The following GABRG3 variants were observed in gnomAD, a reference collection of about 807,000 sequenced individuals.
The protein encoded by GABRG3 is gamma-aminobutyric acid type A receptor subunit gamma3.
A neutral mutation model predicts 48.8 loss-of-function variants in GABRG3; 25 were observed. The observed-to-expected ratio is 0.51, with a 90% CI of 0.37 to 0.72. The LOEUF is 0.72. Among genes scored for constraint, GABRG3 ranks in the 30% least tolerant of loss-of-function variants. The probability of loss-of-function intolerance (pLI) is 0.00; values close to 1 mark genes in which losing one functional copy is unlikely to be tolerated. For synonymous variants in GABRG3, 227 were observed against 217.6 expected (o/e 1.04, Z -0.38); for missense variants, 394 against 577.9 (o/e 0.68, Z 3.26).
At chr15:27,442,456 A>G (rs1202289698) in intron 5 of GABRG3, among the ~76,000 whole-genome samples, 1 of 152,122 alleles carries the variant, frequency 6.6e-6, no homozygotes, top group Non-Finnish European at 1.5e-5. Context: ...GCACACACAG[A>G]TGTGTGCTCC....
chr15:27,172,921 A>C (rs1426950987), intron 3 of GABRG3, among the ~76,000 whole-genome samples: 3 of 152,180 alleles, frequency 2.0e-5, no homozygotes, highest in African/African-American at 4.8e-5. Context: ...ACTGTGATCC[A>C]GGATTAATTA....
intron 2 of GABRG3, among the ~76,000 whole-genome samples, chr15:27,003,853 G>A (rs1200939311): frequency 7.5e-6 from 1 of 133,860 alleles, no homozygotes; most frequent in East Asian, 2.5e-4. Context: ...GGCGGGGGGG[G>A]CTGACCCCCC....
intron 5 of GABRG3, among the ~76,000 whole-genome samples, chr15:27,389,002 T>C (rs1450688035): frequency 6.6e-6 from 1 of 152,226 alleles, no homozygotes; most frequent in Non-Finnish European, 1.5e-5. Flanking sequence ...TACATTTGAT[T>C]GTATGACTTG....
intron 2 of GABRG3, among the ~76,000 whole-genome samples, chr15:27,020,480 C>T (rs181548608): frequency 2.0e-5 from 3 of 152,178 alleles, no homozygotes; most frequent in Admixed American, 6.5e-5. Flanking sequence ...GGCGCTATCT[C>T]GGCTCACTGC....
chr15:27,047,413 C>G (rs1337484025), intron 3 of GABRG3, among the ~76,000 whole-genome samples: 1 of 152,090 alleles, frequency 6.6e-6, no homozygotes, highest in African/African-American at 2.4e-5. Flanking sequence ...AAATGTGTGC[C>G]CATGGCCTGG....
At chr15:27,004,027 G>T in intron 2 of GABRG3, among the ~76,000 whole-genome samples, 1 of 149,738 alleles carries the variant, frequency 6.7e-6, no homozygotes. Context: ...CCGGGCGGGG[G>T]GCTGAACCCC....
intron 3 of GABRG3, chr15:27,208,084 C>T (rs574364005): frequency 2.3e-4 from 40 of 174,030 alleles, no homozygotes; most frequent in Middle Eastern, 3.0e-3. Context: ...GGTAGGGGCA[C>T]CCCAGGGTTT....
intron 5 of GABRG3, among the ~76,000 whole-genome samples, chr15:27,462,795 C>A (rs1390851064): frequency 6.6e-6 from 1 of 152,000 alleles, no homozygotes; most frequent in East Asian, 1.9e-4. Context: ...TACTATAATT[C>A]CAGAAAGATG....
At chr15:26,999,698 A>G (rs548086311) in intron 2 of GABRG3, among the ~76,000 whole-genome samples, 4 of 152,194 alleles carry the variant, frequency 2.6e-5, no homozygotes, top group Admixed American at 6.5e-5. Flanking sequence ...CCTCAAATGT[A>G]TATTTTTCTG....
chr15:27,147,888 T>C (rs1209724404), intron 3 of GABRG3, among the ~76,000 whole-genome samples: 1 of 151,602 alleles, frequency 6.6e-6, no homozygotes, highest in African/African-American at 2.4e-5. Context: ...AATAAATAAC[T>C]TTACCTTTCC....
chr15:27,293,064 C>T (rs1003506264), intron 3 of GABRG3, among the ~76,000 whole-genome samples: 4 of 152,144 alleles, frequency 2.6e-5, no homozygotes, highest in Non-Finnish European at 5.9e-5. Context: ...GGGGCGATGC[C>T]GTGAACTTGC....
At chr15:27,355,016 A>G (rs1176019626) in intron 5 of GABRG3, among the ~76,000 whole-genome samples, 1 of 152,164 alleles carries the variant, frequency 6.6e-6, no homozygotes, top group Non-Finnish European at 1.5e-5. Context: ...TCTGCCAATA[A>G]TTATGAGAGG....
intron 6 of GABRG3, among the ~76,000 whole-genome samples, chr15:27,496,900 A>C (rs1890500433): frequency 6.6e-6 from 1 of 152,192 alleles, no homozygotes; most frequent in Non-Finnish European, 1.5e-5. Context: ...TGGTCTTGAT[A>C]TATCAGGGTC....
rs547734588 is a variant in GABRG3 at position 27,398,769 on chromosome 15, C to T, written c.574+69881C>T. Among the ~76,000 whole-genome samples, 9 of 152,242 alleles carry T rather than the reference C, an allele frequency of 5.9e-5. No homozygotes were observed. In the East Asian group the frequency reaches 1.4e-3, roughly 23 times the overall value. On this transcript the variant is annotated intron_variant, in intron 5 of 9. Coordinates refer to ENST00000615808, the MANE Select transcript of GABRG3 (RefSeq NM_033223.5). ...AGAAAAGGGCTTGCTGACTGGCCAA[C>T]GTGTACCTGACTATTTGCTTAATTT... is the stretch of plus-strand genomic sequence containing the variant.
intron 3 of GABRG3, among the ~76,000 whole-genome samples, chr15:27,035,910 T>G (rs1896169079): frequency 6.6e-6 from 1 of 152,224 alleles, no homozygotes; most frequent in Admixed American, 6.5e-5. Context: ...TCTGAAGATT[T>G]GCAGTGGGCT....
intron 2 of GABRG3, among the ~76,000 whole-genome samples, chr15:26,983,262 T>C (rs1029521557): frequency 1.3e-5 from 2 of 152,028 alleles, no homozygotes; most frequent in African/African-American, 4.8e-5. Flanking sequence ...TGTACATGGA[T>C]TTACTATTAG....
intron 5 of GABRG3, among the ~76,000 whole-genome samples, chr15:27,425,161 C>A (rs939525078): frequency 1.3e-5 from 2 of 152,100 alleles, no homozygotes; most frequent in Non-Finnish European, 2.9e-5. Flanking sequence ...AGCTGGAGGC[C>A]CCTGGCTTGT....
chr15:27,491,032 C>A (rs940495306), intron 6 of GABRG3, among the ~76,000 whole-genome samples: 1 of 152,234 alleles, frequency 6.6e-6, no homozygotes, highest in African/African-American at 2.4e-5. Context: ...AGACTCACTC[C>A]ATTTATCAGA....
intron 3 of GABRG3, among the ~76,000 whole-genome samples, chr15:27,168,183 C>T (rs1038986489): frequency 2.0e-5 from 3 of 151,384 alleles, no homozygotes; most frequent in African/African-American, 4.9e-5. Flanking sequence ...CATGGCTTGA[C>T]GTCCAAAACC....
Sources: gnomAD v4.1 joint callset for allele counts (sites outside exome capture counted in the v4.1 genomes callset) on GRCh38, gnomAD v4.1.1 for gene constraint, MANE v1.5 for transcripts, NCBI Gene and HGNC (gene_info 2026-07-23, HGNC 2026-07-21) for gene names.